PLPPR1: variants seen among roughly 807,000 people sequenced by gnomAD.
PLPPR1 encodes the protein phospholipid phosphatase related 1.
Under a neutral mutation model 33.1 loss-of-function variants are expected in PLPPR1, and 10 were observed. The ratio of observed to expected loss-of-function variants is 0.30; its 90% confidence interval spans 0.19 to 0.51. The LOEUF (loss-of-function observed/expected upper bound fraction) is 0.51, where lower values mean the gene tolerates loss of function less well. PLPPR1 is among the 20% of genes least tolerant of loss of function. The pLI is 0.97. For synonymous variants in PLPPR1, 151 were observed against 151.0 expected (o/e 1.00, Z 0.00); for missense variants, 304 against 408.1 (o/e 0.74, Z 2.20).
Position 101,165,652 on chromosome 9 carries a change from T to C in PLPPR1, c.-45-19798T>C, listed in dbSNP as rs559406861. Reference sequence around the variant, plus strand: ...CCAGATGAAGGTTGAGAGGAAAAATTGGGATTCATGGAAAAGGACAGAAGA... The same window carrying C: ...CCAGATGAAGGTTGAGAGGAAAAATCGGGATTCATGGAAAAGGACAGAAGA... On this transcript the variant is annotated intron_variant, in intron 1 of 7. Transcript: ENST00000374874. Among the ~76,000 whole-genome samples the C allele has an allele frequency of 1.1e-4, 16 of 152,252 alleles. No homozygotes were observed. In the East Asian group the frequency reaches 2.9e-3, roughly 28 times the overall value.
At chr9:101,128,666 C>T (rs1831276954) in intron 1 of PLPPR1, among the ~76,000 whole-genome samples, 1 of 152,172 alleles carries the variant, frequency 6.6e-6, no homozygotes, top group African/African-American at 2.4e-5. Flanking sequence ...TAGGTATTAT[C>T]AATTTCTCTG....
At chr9:101,312,729 C>T (rs1828980430) in intron 5 of PLPPR1, 69 bp from the exon 6 acceptor site, 1 of 1,336,844 alleles carries the variant, frequency 7.5e-7, no homozygotes, top group South Asian at 1.3e-5. Flanking sequence ...TATGTACCTG[C>T]TTGCTTGCAT....
intron 1 of PLPPR1, among the ~76,000 whole-genome samples, chr9:101,056,221 C>G (rs538913751): frequency 2.3e-4 from 35 of 152,212 alleles, no homozygotes; most frequent in African/African-American, 7.9e-4. Context: ...TCATTTAGAG[C>G]CTTTGCACAT....
intron 7 of PLPPR1, among the ~76,000 whole-genome samples, chr9:101,323,469 CAAAAAAAAAA>C (rs11339430): frequency 1.1e-5 from 1 of 93,794 alleles, no homozygotes; most frequent in East Asian, 3.6e-4. Context: ...AACCCTGTCT[CAAAAAAAAAA>C]AAAAAAAAAA....
intron 1 of PLPPR1, among the ~76,000 whole-genome samples, chr9:101,168,346 G>A (rs932472972): frequency 5.3e-5 from 8 of 152,030 alleles, no homozygotes; most frequent in African/African-American, 1.7e-4. Flanking sequence ...GGCCAAACTT[G>A]CCTAACCCTA....
intron 2 of PLPPR1, among the ~76,000 whole-genome samples, chr9:101,210,331 G>C (rs1232244816): frequency 6.6e-6 from 1 of 152,144 alleles, no homozygotes; most frequent in Non-Finnish European, 1.5e-5. Context: ...CAGAAACTTA[G>C]GAATCCTTAA....
chr9:101,058,732 G>C (rs995589209), intron 1 of PLPPR1, among the ~76,000 whole-genome samples: 4 of 151,848 alleles, frequency 2.6e-5, no homozygotes, highest in Non-Finnish European at 5.9e-5. Flanking sequence ...CATTTTATAG[G>C]CAAAAGAGTT....
At chr9:101,142,990 C>A (rs1049329141) in intron 1 of PLPPR1, among the ~76,000 whole-genome samples, 1 of 152,018 alleles carries the variant, frequency 6.6e-6, no homozygotes, top group Non-Finnish European at 1.5e-5. Flanking sequence ...ACTAGAGATC[C>A]AAGTTCAGTG....
intron 1 of PLPPR1, among the ~76,000 whole-genome samples, chr9:101,183,691 TTGTGTGTGTGTG>T (rs66895172): frequency 1.1e-4 from 17 of 150,242 alleles, no homozygotes; most frequent in African/African-American, 3.4e-4. Flanking sequence ...TCCCGTCTCT[TTGTGTGTGTGTG>T]TGTGTGTGTG....
chr9:101,283,084 A>G (rs907575944), intron 3 of PLPPR1, among the ~76,000 whole-genome samples: 7 of 152,020 alleles, frequency 4.6e-5, no homozygotes, highest in South Asian at 2.1e-4. Flanking sequence ...CAATCCTCCA[A>G]TCTCAGCCTT....
chr9:101,221,130 A>G (rs2567314), intron 2 of PLPPR1, among the ~76,000 whole-genome samples: 152,141 of 152,244 alleles, frequency 1, 76,019 homozygotes, highest in Middle Eastern at 1. Context: ...CAGTACAGGC[A>G]GTATTAGGTT....
intron 1 of PLPPR1, among the ~76,000 whole-genome samples, chr9:101,054,114 C>G (rs933156393): frequency 2.0e-5 from 3 of 151,986 alleles, no homozygotes; most frequent in African/African-American, 7.2e-5. Context: ...AACCCAGGAG[C>G]CGGAGGTTGC....
intron 5 of PLPPR1, among the ~76,000 whole-genome samples, chr9:101,311,022 T>C (rs1488235211): frequency 6.6e-6 from 1 of 152,214 alleles, no homozygotes; most frequent in East Asian, 1.9e-4. Context: ...CCAACATATT[T>C]TCAAATTTTC....
chr9:101,116,607 G>T (rs1448265142), intron 1 of PLPPR1, among the ~76,000 whole-genome samples: 2 of 152,132 alleles, frequency 1.3e-5, no homozygotes, highest in East Asian at 1.9e-4. Flanking sequence ...AAGGTCAAGA[G>T]ATCAAGACCA....
chr9:101,214,156 G>C (rs1362753024), intron 2 of PLPPR1, among the ~76,000 whole-genome samples: 1 of 152,182 alleles, frequency 6.6e-6, no homozygotes, highest in Non-Finnish European at 1.5e-5. Flanking sequence ...AGGACTGAAG[G>C]ACTGAGGATT....
At chr9:101,272,599 A>G (rs1353289108) in intron 3 of PLPPR1, among the ~76,000 whole-genome samples, 1 of 152,226 alleles carries the variant, frequency 6.6e-6, no homozygotes, top group African/African-American at 2.4e-5. Flanking sequence ...CTTAATACTT[A>G]AAAAGATGAG....
chr9:101,046,938 C>G (rs1830158497), intron 1 of PLPPR1, among the ~76,000 whole-genome samples: 1 of 152,086 alleles, frequency 6.6e-6, no homozygotes, highest in Non-Finnish European at 1.5e-5. Context: ...TGAAACCCCC[C>G]CTTCTTTGGT....
chr9:101,218,278 A>C (rs570972453), intron 2 of PLPPR1, among the ~76,000 whole-genome samples: 2 of 152,302 alleles, frequency 1.3e-5, no homozygotes, highest in South Asian at 4.1e-4. Flanking sequence ...AGAATAAGCA[A>C]TAAAGTCTGT....
intron 1 of PLPPR1, among the ~76,000 whole-genome samples, chr9:101,102,162 T>C (rs1487770116): frequency 2.3e-5 from 3 of 132,474 alleles, no homozygotes; most frequent in African/African-American, 9.2e-5. Context: ...TTTATTATTA[T>C]ACTTTAAGTT....
Sources: gnomAD v4.1 joint callset for allele counts (sites outside exome capture counted in the v4.1 genomes callset) on GRCh38, gnomAD v4.1.1 for gene constraint, MANE v1.5 for transcripts, NCBI Gene and HGNC (gene_info 2026-07-23, HGNC 2026-07-21) for gene names.